ROBO1: variants seen among roughly 807,000 people sequenced by gnomAD.
ROBO1 encodes roundabout guidance receptor 1.
ROBO1 carries 149 observed loss-of-function variants against 195.9 expected under a neutral mutation model. The observed-to-expected ratio is 0.76, with a 90% CI of 0.67 to 0.87. The LOEUF (loss-of-function observed/expected upper bound fraction) is 0.87, where lower values mean the gene tolerates loss of function less well. ROBO1 is among the 40% of genes least tolerant of loss of function. The pLI is 0.00. For missense variants in ROBO1, 1,933 were observed against 2,068.3 expected (o/e 0.93, Z 1.27); for synonymous variants, 816 against 733.2 (o/e 1.11, Z -1.82).
chr3:78,988,130 C>T (rs975982884), intron 3 of ROBO1, among the ~76,000 whole-genome samples: 11 of 152,118 alleles, frequency 7.2e-5, no homozygotes, highest in African/African-American at 2.2e-4. Context: ...ATCATGTACA[C>T]AACCTAACTA....
At chr3:79,744,913 AAT>A (rs151286056) in intron 1 of ROBO1, among the ~76,000 whole-genome samples, 1 of 141,468 alleles carries the variant, frequency 7.1e-6, no homozygotes, top group Non-Finnish European at 1.5e-5. Flanking sequence ...TCAAAAATAG[AAT>A]ATATATATAA....
At chr3:79,141,333 T>C (rs754516787) in intron 2 of ROBO1, among the ~76,000 whole-genome samples, 2 of 152,190 alleles carry the variant, frequency 1.3e-5, no homozygotes, top group African/African-American at 4.8e-5. Flanking sequence ...ACAAATTTCC[T>C]CTATCGTCTC....
At chr3:79,269,452 T>C (rs1164735395) in intron 2 of ROBO1, among the ~76,000 whole-genome samples, 1 of 151,684 alleles carries the variant, frequency 6.6e-6, no homozygotes, top group African/African-American at 2.4e-5. Flanking sequence ...AGTGTAGTTT[T>C]TTTACTAGTT....
chr3:79,632,117 T>C (rs1268281120), intron 1 of ROBO1, among the ~76,000 whole-genome samples: 8 of 152,142 alleles, frequency 5.3e-5, no homozygotes, highest in African/African-American at 1.9e-4. Flanking sequence ...GACCCAGAAG[T>C]CCCACTACTG....
intron 2 of ROBO1, among the ~76,000 whole-genome samples, chr3:79,501,746 CT>C (rs1212485465): frequency 6.6e-6 from 1 of 152,048 alleles, no homozygotes; most frequent in Non-Finnish European, 1.5e-5. Context: ...CCACAAAAGG[CT>C]TTTTTTAAAA....
chr3:79,570,136 T>G (rs1318841267), intron 2 of ROBO1, among the ~76,000 whole-genome samples: 2 of 151,892 alleles, frequency 1.3e-5, no homozygotes, highest in Admixed American at 6.6e-5. Context: ...CATCCAACAA[T>G]GATGGCAAGC....
chr3:79,196,717 C>T (rs968952673), intron 2 of ROBO1, among the ~76,000 whole-genome samples: 2 of 151,684 alleles, frequency 1.3e-5, no homozygotes, highest in Admixed American at 6.6e-5. Context: ...CTTGTCTCTC[C>T]GTGGTTTTAA....
At chr3:79,450,512 A>G (rs1390042362) in intron 2 of ROBO1, among the ~76,000 whole-genome samples, 1 of 152,156 alleles carries the variant, frequency 6.6e-6, no homozygotes, top group African/African-American at 2.4e-5. Context: ...TAGTTTTATG[A>G]AAAATGAGAT....
intron 21 of ROBO1, 50 bp from the exon 22 acceptor site, chr3:78,639,948 T>A: frequency 2.3e-6 from 3 of 1,304,608 alleles, no homozygotes; most frequent in Non-Finnish European, 3.1e-6. Context: ...TAGAGAGTAA[T>A]ATTTTCTATT....
rs761668852 is a variant in ROBO1, at chr3:78,635,995, T to G, written c.3151A>C (p.Lys1051Gln). ...TTCAGATTTGGGCTATTGAAGGTTT[T>G]CATCTCATTGATTTTGTTACTAAGG... ...VDLSNKINEM[K>Q]TFNSPNLKDG... Residue 1051 changes from lysine to glutamine, a missense_variant, in exon 23 of 31, where the codon AAA becomes CAA. Lys to Gln is a moderately conservative substitution (Grantham distance 53, BLOSUM62 1). This residue lies in a region of ROBO1 where 1,737 missense variants were observed against 1,882.5 expected (regional missense o/e 0.92). Transcript: ENST00000464233. The G allele has an allele frequency of 1.9e-6, 3 of 1,613,970 alleles. No individual in the cohort carries two copies. The East Asian group carries it at 6.7e-5, about 36-fold the overall frequency.
At chr3:78,642,378 G>A (rs1159084224) in intron 21 of ROBO1, among the ~76,000 whole-genome samples, 1 of 152,114 alleles carries the variant, frequency 6.6e-6, no homozygotes, top group East Asian at 1.9e-4. Context: ...AATGGTGAAG[G>A]AGGCTGGCAG....
chr3:79,632,154 C>T (rs2108029076), intron 1 of ROBO1, among the ~76,000 whole-genome samples: 1 of 152,174 alleles, frequency 6.6e-6, no homozygotes, highest in East Asian at 1.9e-4. Flanking sequence ...TAAAAGAAAA[C>T]ATTATATCGA....
rs1173471117 is a variant in ROBO1, at chr3:79,436,049, C to T, written c.88+153775G>A. Reference sequence around the variant, plus strand: ...TAAAACCCTGTGTAACAGTTAATAGCTCTATATGCCAGGAAAACACTGGAC... The same window carrying T: ...TAAAACCCTGTGTAACAGTTAATAGTTCTATATGCCAGGAAAACACTGGAC... On this transcript the variant is annotated intron_variant, in intron 2 of 30. Coordinates refer to ENST00000464233, the MANE Select transcript of ROBO1 (RefSeq NM_002941.4). 2.0e-5 allele frequency among the ~76,000 whole-genome samples: 3 copies of T among 152,030 alleles called. No homozygotes were observed. In the East Asian group the frequency reaches 5.8e-4, roughly 29 times the overall value.
At chr3:78,681,084 C>G (rs2080892940) in intron 10 of ROBO1, among the ~76,000 whole-genome samples, 1 of 149,244 alleles carries the variant, frequency 6.7e-6, no homozygotes, top group Admixed American at 6.7e-5. Context: ...ATCGCAAGGA[C>G]AAAAAACCAA....
At chr3:79,690,011 A>G (rs953759639) in intron 1 of ROBO1, among the ~76,000 whole-genome samples, 1 of 152,014 alleles carries the variant, frequency 6.6e-6, no homozygotes, top group African/African-American at 2.4e-5. Context: ...AAATTGATTT[A>G]AATAATTAAT....
At chr3:79,178,666 T>C (rs1355133123) in intron 2 of ROBO1, among the ~76,000 whole-genome samples, 1 of 152,144 alleles carries the variant, frequency 6.6e-6, no homozygotes. Context: ...CCAAGTGGCA[T>C]TGTGAGGGTT....
chr3:79,249,551 T>A (rs925002548), intron 2 of ROBO1, among the ~76,000 whole-genome samples: 3 of 152,202 alleles, frequency 2.0e-5, no homozygotes, highest in African/African-American at 7.2e-5. Flanking sequence ...ATTGATTCAC[T>A]GGACCAGGTT....
At chr3:79,065,732 T>A (rs1212051427) in intron 3 of ROBO1, among the ~76,000 whole-genome samples, 1 of 151,884 alleles carries the variant, frequency 6.6e-6, no homozygotes, top group Admixed American at 6.6e-5. Flanking sequence ...TCTAGTTAGT[T>A]CCCCTCTGAA....
chr3:79,320,436 C>T (rs1387628815), intron 2 of ROBO1, among the ~76,000 whole-genome samples: 1 of 152,146 alleles, frequency 6.6e-6, no homozygotes, highest in Non-Finnish European at 1.5e-5. Context: ...TCAAGTCATC[C>T]TCCCACCTCA....
Sources: gnomAD v4.1 joint callset for allele counts (sites outside exome capture counted in the v4.1 genomes callset) on GRCh38, gnomAD v4.1.1 for gene constraint, gnomAD v4.1.1 regional missense constraint, MANE v1.5 for transcripts, NCBI Gene and HGNC (gene_info 2026-07-23, HGNC 2026-07-21) for gene names.